Variants in GPC5 observed in about 807,000 individuals in gnomAD.
The protein encoded by GPC5 is glypican-5.
In GPC5, 47 loss-of-function variants were observed where a neutral mutation model predicts 53.9. The observed-to-expected ratio is 0.87, with a 90% CI of 0.69 to 1.11. The LOEUF is 1.11. Ranked by LOEUF, GPC5 falls within the 50% of genes most tolerant of loss-of-function variation. GPC5 has a pLI of 0.00. For missense variants in GPC5, 748 were observed against 713.1 expected, an observed-to-expected ratio of 1.05 and a Z score of -0.56; for synonymous variants, 286 against 263.3, an observed-to-expected ratio of 1.09 and a Z score of -0.84.
chr13:91,904,183 C>T (rs184950815), intron 5 of GPC5, among the ~76,000 whole-genome samples: 146 of 125,026 alleles, frequency 1.2e-3, no homozygotes, highest in African/African-American at 4.3e-3. Flanking sequence ...TGCTCTGTTG[C>T]CCAGGCTTGA....
intron 7 of GPC5, among the ~76,000 whole-genome samples, chr13:92,692,682 ATAAAT>A (rs902114357): frequency 5.5e-5 from 8 of 146,218 alleles, no homozygotes; most frequent in African/African-American, 2.0e-4. Context: ...AAGTATAATA[ATAAAT>A]TAAAAAAAAC....
At chr13:92,787,690 A>AAAAG (rs1311043932) in intron 7 of GPC5, among the ~76,000 whole-genome samples, 16 of 149,110 alleles carry the variant, frequency 1.1e-4, no homozygotes, top group South Asian at 2.1e-4. Flanking sequence ...AAAAGAAAAG[A>AAAAG]AAAGAAAGAA....
intron 7 of GPC5, among the ~76,000 whole-genome samples, chr13:92,594,057 T>C (rs183498943): frequency 1.1e-4 from 17 of 152,182 alleles, no homozygotes; most frequent in African/African-American, 1.7e-4. Flanking sequence ...TGGCAACAAA[T>C]GGAGTGGTAG....
At chr13:92,619,783 G>A (rs549194007) in intron 7 of GPC5, among the ~76,000 whole-genome samples, 17 of 151,936 alleles carry the variant, frequency 1.1e-4, no homozygotes, top group African/African-American at 4.1e-4. Flanking sequence ...AAAACAACAA[G>A]AATTTTTTTT....
intron 6 of GPC5, among the ~76,000 whole-genome samples, chr13:92,087,962 G>A (rs2041348998): frequency 1.3e-5 from 2 of 150,984 alleles, no homozygotes; most frequent in Non-Finnish European, 2.9e-5. Flanking sequence ...AGAGATGGGG[G>A]TCTCGCTACA....
chr13:91,498,227 C>T (rs1471761970), intron 2 of GPC5, among the ~76,000 whole-genome samples: 1 of 139,152 alleles, frequency 7.2e-6, no homozygotes, highest in Non-Finnish European at 1.5e-5. Context: ...TTTCAGAAAT[C>T]TCTACCCAAA....
chr13:91,854,897 CATATGGTGGTTAAA>C (rs1235026073), intron 5 of GPC5, among the ~76,000 whole-genome samples: 1 of 151,630 alleles, frequency 6.6e-6, no homozygotes, highest in South Asian at 2.1e-4. Flanking sequence ...CTAGACTTAA[CATATGGTGGTTAAA>C]ATGAGAATTC....
intron 5 of GPC5, among the ~76,000 whole-genome samples, chr13:91,761,482 GCCTTTCTGAGA>G (rs2037411064): frequency 6.6e-6 from 1 of 152,060 alleles, no homozygotes; most frequent in Non-Finnish European, 1.5e-5. Flanking sequence ...AGACTGCCCT[GCCTTTCTGAGA>G]CCAGTTCCAA....
chr13:91,927,717 C>T (rs1267858778), intron 6 of GPC5, among the ~76,000 whole-genome samples: 1 of 152,036 alleles, frequency 6.6e-6, no homozygotes, highest in Non-Finnish European at 1.5e-5. Flanking sequence ...GTTTCTTTTA[C>T]CACATACTTA....
At chr13:92,715,473 A>T (rs996882154) in intron 7 of GPC5, among the ~76,000 whole-genome samples, 2 of 152,236 alleles carry the variant, frequency 1.3e-5, no homozygotes, top group Admixed American at 1.3e-4. Flanking sequence ...GATTAAGTAA[A>T]CAAAATAATT....
chr13:91,955,418 G>T (rs1284977706), intron 6 of GPC5, among the ~76,000 whole-genome samples: 1 of 152,184 alleles, frequency 6.6e-6, no homozygotes, highest in East Asian at 1.9e-4. Context: ...AAGCAAAATA[G>T]CAAGTAGATA....
intron 5 of GPC5, among the ~76,000 whole-genome samples, chr13:91,817,905 C>A (rs760051394): frequency 1.1e-4 from 16 of 151,932 alleles, no homozygotes; most frequent in South Asian, 2.1e-4. Context: ...TGTATTTTTT[C>A]TTTCCTTTTT....
chr13:92,485,952 G>T (rs1279041620), intron 7 of GPC5, among the ~76,000 whole-genome samples: 1 of 152,176 alleles, frequency 6.6e-6, no homozygotes, highest in Admixed American at 6.5e-5. Flanking sequence ...GGCGACAAGA[G>T]CAAAACTCTG....
At chr13:92,438,197 C>G (rs888315290) in intron 7 of GPC5, among the ~76,000 whole-genome samples, 2 of 151,600 alleles carry the variant, frequency 1.3e-5, no homozygotes, top group African/African-American at 2.4e-5. Context: ...CAATAAAATA[C>G]GAGCTGTATA....
chr13:92,604,706 A>T (rs549429566), intron 7 of GPC5, among the ~76,000 whole-genome samples: 50 of 152,232 alleles, frequency 3.3e-4, no homozygotes, highest in Non-Finnish European at 5.9e-4. Context: ...GTGTATTAAA[A>T]GTCCAACACT....
chr13:92,115,000 T>A (rs2041588993), intron 6 of GPC5, among the ~76,000 whole-genome samples: 1 of 152,236 alleles, frequency 6.6e-6, no homozygotes. Flanking sequence ...GATTCATTTC[T>A]ATTACTTGCT....
chr13:92,202,911 C>T (rs1409420402), intron 7 of GPC5, among the ~76,000 whole-genome samples: 1 of 152,022 alleles, frequency 6.6e-6, no homozygotes, highest in African/African-American at 2.4e-5. Flanking sequence ...GTCAACTTTT[C>T]AAGAGAACTT....
At chr13:91,904,140 C>CTTTTTTTTTTTTTTTTT (rs57293387) in intron 5 of GPC5, among the ~76,000 whole-genome samples, 1 of 94,670 alleles carries the variant, frequency 1.1e-5, no homozygotes, top group Non-Finnish European at 2.0e-5. Flanking sequence ...TCTTTTCTTT[C>CTTTTTTTTTTTTTTTTT]TTTTTTTTTT....
At chr13:92,651,421 A>G (rs1885954444) in intron 7 of GPC5, among the ~76,000 whole-genome samples, 1 of 152,124 alleles carries the variant, frequency 6.6e-6, no homozygotes, top group South Asian at 2.1e-4. Context: ...CAGTCTAATC[A>G]TGAGAGAAAC....
Sources: allele counts gnomAD v4.1 joint callset (sites outside exome capture counted in the v4.1 genomes callset), GRCh38; gene constraint gnomAD v4.1.1; transcripts MANE v1.5; gene names NCBI Gene and HGNC (gene_info 2026-07-23, HGNC 2026-07-21).